Variants in AMBRA1 observed in about 807,000 individuals in gnomAD.
AMBRA1 encodes autophagy and beclin 1 regulator 1, also known as activating molecule in BECN1-regulated autophagy protein 1.
AMBRA1 carries 47 observed loss-of-function variants against 125.4 expected under a neutral mutation model. The observed-to-expected ratio is 0.37, with a 90% CI of 0.30 to 0.48. The LOEUF (loss-of-function observed/expected upper bound fraction) is 0.48. Ranked by LOEUF, AMBRA1 falls within the 20% of genes least tolerant of loss-of-function variation. The pLI is 0.99. For missense variants in AMBRA1, 1,331 were observed against 1,693.4 expected (o/e 0.79, Z 3.76); for synonymous variants, 626 against 655.5 (o/e 0.95, Z 0.69).
intron 1 of AMBRA1, among the ~76,000 whole-genome samples, chr11:46,580,063 C>G (rs2044118923): frequency 6.6e-6 from 1 of 152,224 alleles, no homozygotes; most frequent in Non-Finnish European, 1.5e-5. Context: ...TCGTCCCTTC[C>G]CATGCCTTAA....
chr11:46,400,069 G>A (rs1241461796), intron 17 of AMBRA1, among the ~76,000 whole-genome samples: 1 of 152,162 alleles, frequency 6.6e-6, no homozygotes, highest in Non-Finnish European at 1.5e-5. Flanking sequence ...GTCTGCAGCA[G>A]TGGAGCTCTA....
chr11:46,521,002 C>T (rs1177184144), intron 7 of AMBRA1, among the ~76,000 whole-genome samples: 1 of 152,142 alleles, frequency 6.6e-6, no homozygotes, highest in East Asian at 1.9e-4. Context: ...GGATCCAAGT[C>T]ATCTTTTTAT....
At chr11:46,557,700 C>T (rs982283769) in intron 1 of AMBRA1, among the ~76,000 whole-genome samples, 2 of 152,024 alleles carry the variant, frequency 1.3e-5, no homozygotes, top group African/African-American at 4.8e-5. Context: ...TCCAGCTACT[C>T]GGAAGGCTGA....
At chr11:46,421,909 C>G (rs556443000) in intron 14 of AMBRA1, among the ~76,000 whole-genome samples, 53 of 152,264 alleles carry the variant, frequency 3.5e-4, no homozygotes, top group Non-Finnish European at 3.7e-4. Flanking sequence ...CTGACAAAGA[C>G]AGTATAAGAG....
chr11:46,510,656 C>G (rs1951222587), intron 8 of AMBRA1, among the ~76,000 whole-genome samples: 1 of 152,114 alleles, frequency 6.6e-6, no homozygotes, highest in African/African-American at 2.4e-5. Context: ...AGGAATTCCC[C>G]AAGCTATGAA....
chr11:46,553,222 C>T (rs1275104850), intron 1 of AMBRA1, among the ~76,000 whole-genome samples: 2 of 152,052 alleles, frequency 1.3e-5, no homozygotes, highest in Admixed American at 6.5e-5. Context: ...GGATTACAAG[C>T]GTGAGCCACC....
chr11:46,457,902 T>G (rs536543098), intron 11 of AMBRA1, among the ~76,000 whole-genome samples: 10 of 146,806 alleles, frequency 6.8e-5, no homozygotes, highest in African/African-American at 7.7e-5. Flanking sequence ...CAAGACTCCG[T>G]TGCAAAAAAA....
At chr11:46,565,761 A>G (rs997696252) in intron 1 of AMBRA1, among the ~76,000 whole-genome samples, 1 of 152,036 alleles carries the variant, frequency 6.6e-6, no homozygotes, top group Non-Finnish European at 1.5e-5. Flanking sequence ...TAGCCAAAAA[A>G]TTTATAAAAA....
At chr11:46,493,772 C>T (rs1042790440) in intron 10 of AMBRA1, 64 bp from the exon 11 acceptor site, 9 of 1,327,432 alleles carry the variant, frequency 6.8e-6, no homozygotes, top group Non-Finnish European at 9.3e-6. Context: ...TACTAACTAC[C>T]TACACTGAAA....
intron 1 of AMBRA1, among the ~76,000 whole-genome samples, chr11:46,587,575 C>T (rs773439528): frequency 1.3e-5 from 2 of 152,104 alleles, no homozygotes; most frequent in East Asian, 1.9e-4. Context: ...AATTATGATT[C>T]GTGATTCCAA....
At chr11:46,432,989 T>C (rs1947526136) in intron 14 of AMBRA1, among the ~76,000 whole-genome samples, 1 of 152,198 alleles carries the variant, frequency 6.6e-6, no homozygotes, top group Non-Finnish European at 1.5e-5. Context: ...CAGGACCTTT[T>C]CTCCACTGGT....
intron 4 of AMBRA1, 36 bp from the exon 5 acceptor site, chr11:46,545,812 C>T (rs781717755): frequency 6.2e-7 from 1 of 1,605,892 alleles, no homozygotes; most frequent in Non-Finnish European, 8.5e-7. Context: ...TCTCAGGTTA[C>T]AAGCTACCAG....
chr11:46,458,046 TGA>T (rs1339429891), intron 11 of AMBRA1, among the ~76,000 whole-genome samples: 4 of 151,890 alleles, frequency 2.6e-5, no homozygotes, highest in African/African-American at 9.7e-5. Context: ...CAAAAATAAG[TGA>T]GAGAGAGCAT....
intron 1 of AMBRA1, among the ~76,000 whole-genome samples, chr11:46,583,220 C>T (rs112660289): frequency 0.013 from 2,019 of 151,782 alleles, 50 homozygotes; most frequent in African/African-American, 0.045. Flanking sequence ...ATCTGATCTT[C>T]GACAAACCTG....
chr11:46,415,444 G>A (rs1013009266), intron 15 of AMBRA1, among the ~76,000 whole-genome samples: 8 of 152,192 alleles, frequency 5.3e-5, no homozygotes, highest in African/African-American at 1.7e-4. Context: ...AGGGGTTTTT[G>A]AGTGAAAAGC....
At chr11:46,514,168 A>G (rs1460254286) in intron 7 of AMBRA1, among the ~76,000 whole-genome samples, 2 of 152,224 alleles carry the variant, frequency 1.3e-5, no homozygotes, top group Admixed American at 6.5e-5. Flanking sequence ...GACAGCAGCT[A>G]CCAATCTTTT....
intron 11 of AMBRA1, among the ~76,000 whole-genome samples, chr11:46,472,316 T>A (rs1256511926): frequency 6.6e-6 from 1 of 152,226 alleles, no homozygotes; most frequent in African/African-American, 2.4e-5. Flanking sequence ...GAGGTGTTCT[T>A]GTCACTGGAA....
In AMBRA1 at chr11:46,543,212, AG is replaced by A; in HGVS notation, c.804del (p.Ser269HisfsTer97). 6.3e-7 allele frequency: 1 copy of A among 1,593,198 alleles called. No homozygotes were observed. Among genetic ancestry groups the A allele is most frequent in the Non-Finnish European group, 8.6e-7 (1 of 1,167,770 alleles). On this transcript the variant is annotated frameshift_variant, in exon 7 of 18. Coordinates refer to ENST00000683756, the MANE Select transcript of AMBRA1 (RefSeq NM_001387011.1). LOFTEE classifies it high-confidence loss of function. ...GGCTGAGGGGGAGGCGGTGGGGGTG[AG>A]GGGGTAGCAGAATCTTGCACTGTGC... ...EQSTVQDSAT[P>X]SPPPPPPQPS...
At chr11:46,410,193 G>A (rs961922787) in intron 16 of AMBRA1, 83 bp downstream of exon 16, 1 of 1,293,652 alleles carries the variant, frequency 7.7e-7, no homozygotes. Context: ...GAGCCCTAGA[G>A]GGCGCTGCTT....
Sources: allele counts gnomAD v4.1 joint callset (sites outside exome capture counted in the v4.1 genomes callset), GRCh38; gene constraint gnomAD v4.1.1; transcripts MANE v1.5; gene names NCBI Gene and HGNC (gene_info 2026-07-23, HGNC 2026-07-21).